The following MCUR1 variants were observed in gnomAD, a reference collection of about 807,000 sequenced individuals.
MCUR1 encodes the protein mitochondrial calcium uniporter regulator 1.
A neutral mutation model predicts 42.0 loss-of-function variants in MCUR1; 37 were observed. That is an observed-to-expected ratio of 0.88 (90% CI 0.68 to 1.16). The LOEUF (loss-of-function observed/expected upper bound fraction) is 1.16. MCUR1 is among the 50% of genes most tolerant of loss of function. MCUR1 has a pLI of 0.00. For synonymous variants in MCUR1, 229 were observed against 196.2 expected, an observed-to-expected ratio of 1.17 and a Z score of -1.40; for missense variants, 469 against 468.4, an observed-to-expected ratio of 1.00 and a Z score of -0.01.
At chr6:13,812,397 G>C (rs1584992217) in intron 1 of MCUR1, among the ~76,000 whole-genome samples, 1 of 152,180 alleles carries the variant, frequency 6.6e-6, no homozygotes, top group African/African-American at 2.4e-5. Context: ...ACTGAAGAAT[G>C]AGATAGCTGA....
chr6:13,809,527 T>C (rs1029814715), intron 1 of MCUR1, among the ~76,000 whole-genome samples: 6 of 152,146 alleles, frequency 3.9e-5, no homozygotes, highest in African/African-American at 1.4e-4. Context: ...TGTTTCAAGG[T>C]ACTCATCTGA....
At chr6:13,813,986 C>A in intron 1 of MCUR1, 29 bp downstream of exon 1, 2 of 1,229,502 alleles carry the variant, frequency 1.6e-6, no homozygotes, top group Non-Finnish European at 2.0e-6. Context: ...GCGAGACGAG[C>A]CCCCTCTCCT....
intron 6 of MCUR1, among the ~76,000 whole-genome samples, chr6:13,794,225 T>G (rs1759804080): frequency 6.6e-6 from 1 of 152,072 alleles, no homozygotes; most frequent in African/African-American, 2.4e-5. Flanking sequence ...GGTGCTGGGA[T>G]TACAAGCATG....
At chr6:13,799,359 A>G (rs1759936338) in intron 5 of MCUR1, among the ~76,000 whole-genome samples, 1 of 152,024 alleles carries the variant, frequency 6.6e-6, no homozygotes, top group South Asian at 2.1e-4. Flanking sequence ...TAATTTTTGT[A>G]TGTTTAGTAG....
At chr6:13,794,609 C>T (rs1445910297) in intron 6 of MCUR1, among the ~76,000 whole-genome samples, 3 of 149,000 alleles carry the variant, frequency 2.0e-5, no homozygotes, top group Non-Finnish European at 4.4e-5. Context: ...AATGTAAATA[C>T]ATAAATACAC....
chr6:13,811,970 T>C (rs982509013), intron 1 of MCUR1, among the ~76,000 whole-genome samples: 1 of 152,110 alleles, frequency 6.6e-6, no homozygotes, highest in Non-Finnish European at 1.5e-5. Flanking sequence ...CCACTTTCCA[T>C]TGGTCACTCC....
intron 6 of MCUR1, among the ~76,000 whole-genome samples, chr6:13,798,232 A>G (rs910850336): frequency 1.3e-5 from 2 of 151,070 alleles, no homozygotes; most frequent in Non-Finnish European, 2.9e-5. Flanking sequence ...AGTAGCTGGG[A>G]TTACAGGTGC....
At chr6:13,810,153 A>C (rs1022767304) in intron 1 of MCUR1, among the ~76,000 whole-genome samples, 3 of 151,644 alleles carry the variant, frequency 2.0e-5, no homozygotes, top group African/African-American at 7.3e-5. Context: ...CAGTGAGCCA[A>C]GATCGCACCA....
intron 2 of MCUR1, among the ~76,000 whole-genome samples, chr6:13,806,713 C>G (rs955775189): frequency 6.6e-6 from 1 of 152,092 alleles, no homozygotes; most frequent in Non-Finnish European, 1.5e-5. Flanking sequence ...ATGGCTTGAG[C>G]CTGGGAGGCA....
rs1173358884 is a variant in MCUR1 at position 13,790,700 on chromosome 6, G to A, written c.*109C>T. The stretch of plus-strand genomic sequence containing the variant: ...ACTCCTGACCTCAGGTAATCCACCT[G>A]CCTCAGCCTCCCAAAGTGCTGGAAT... On this transcript the variant is annotated 3_prime_UTR_variant, in exon 9 of 9. Coordinates refer to ENST00000379170, the MANE Select transcript of MCUR1 (RefSeq NM_001031713.4). 7 of 729,940 alleles carry A rather than the reference G, an allele frequency of 9.6e-6. No homozygotes were observed. In the East Asian group the frequency reaches 2.2e-4, roughly 23 times the overall value. The allele number at this position is 729,940 out of a possible 1,614,324, so 45.2% of individuals were successfully genotyped here.
Position 13,793,931 on chromosome 6 carries a change from T to G in MCUR1, c.872A>C (p.Lys291Thr), listed in dbSNP as rs1342192486. Residue 291 changes from lysine to threonine, a missense_variant, in exon 7 of 9, where the codon AAG becomes ACG. Lys to Thr is a moderately conservative substitution (Grantham distance 78). Transcript: ENST00000379170. ...RVKELYSLNE[K>T]KLLELRTEIV... is the part of the protein sequence containing the mutation. The stretch of plus-strand genomic sequence containing the variant: ...TTCTGTTCTCAATTCCAGCAGCTTC[T>G]TTTCGTTCAATGAATACTGAAATAA... 4 of 1,613,574 alleles carry G rather than the reference T, an allele frequency of 2.5e-6. No individual in the cohort carries two copies. The highest frequency in any genetic ancestry group is 1.3e-5 in the African/African-American group (1 of 74,914).
Position 13,790,043 on chromosome 6 carries a change from C to T in MCUR1, c.*766G>A, listed in dbSNP as rs2113449587. The T allele has an allele frequency of 6.6e-6, 1 of 152,330 alleles. No individual in the cohort carries two copies. The highest frequency in any genetic ancestry group is 2.4e-5 in the African/African-American group (1 of 41,566). 9.4% of individuals were successfully genotyped at this position (152,330 alleles called of 1,614,324 possible). ...CTACAGCTGAAACAATACTATGGTA[C>T]AGGGACTAGCTCATGTTAAAGACTG... is the stretch of plus-strand genomic sequence containing the variant. On this transcript the variant is annotated 3_prime_UTR_variant, in exon 9 of 9. Transcript: ENST00000379170.
At chr6:13,806,006 A>T (rs1434243078) in intron 2 of MCUR1, among the ~76,000 whole-genome samples, 1 of 152,204 alleles carries the variant, frequency 6.6e-6, no homozygotes, top group Middle Eastern at 3.2e-3. Flanking sequence ...CTGTAATCCC[A>T]GCACTTTAGG....
intron 1 of MCUR1, among the ~76,000 whole-genome samples, chr6:13,808,453 T>A (rs1760158405): frequency 6.6e-6 from 1 of 152,220 alleles, no homozygotes; most frequent in Non-Finnish European, 1.5e-5. Flanking sequence ...GGTTGTCTTT[T>A]CACTTTTCGA....
At chr6:13,808,044 T>A (rs541142846) in intron 1 of MCUR1, among the ~76,000 whole-genome samples, 2 of 152,338 alleles carry the variant, frequency 1.3e-5, no homozygotes, top group African/African-American at 4.8e-5. Flanking sequence ...TAAGGGATGA[T>A]GACTAGGCTA....
At chr6:13,807,277 T>C (rs1407964354) in intron 1 of MCUR1, among the ~76,000 whole-genome samples, 2 of 152,210 alleles carry the variant, frequency 1.3e-5, no homozygotes, top group Non-Finnish European at 2.9e-5. Flanking sequence ...AGACAAATTG[T>C]ACCCCTTAGC....
intron 2 of MCUR1, among the ~76,000 whole-genome samples, chr6:13,805,916 T>G (rs951038204): frequency 6.6e-6 from 1 of 152,186 alleles, no homozygotes. Flanking sequence ...CAGAACAATC[T>G]TTTATCTTAA....
intron 6 of MCUR1, among the ~76,000 whole-genome samples, chr6:13,794,726 C>A (rs558963530): frequency 6.6e-6 from 1 of 151,806 alleles, no homozygotes; most frequent in East Asian, 1.9e-4. Flanking sequence ...TCTGGGGTCC[C>A]TGCAACCTCT....
intron 7 of MCUR1, among the ~76,000 whole-genome samples, chr6:13,792,746 A>G (rs1338052402): frequency 6.6e-6 from 1 of 152,162 alleles, no homozygotes; most frequent in Non-Finnish European, 1.5e-5. Context: ...ATGGCTACCA[A>G]TTCAGGCAGA....
Sources: gnomAD v4.1 joint callset for allele counts (sites outside exome capture counted in the v4.1 genomes callset) on GRCh38, gnomAD v4.1.1 for gene constraint, MANE v1.5 for transcripts, NCBI Gene and HGNC (gene_info 2026-07-23, HGNC 2026-07-21) for gene names.